PLCH2: variants seen among roughly 807,000 people sequenced by gnomAD.
PLCH2 encodes phospholipase C eta 2, also known as 1-phosphatidylinositol 4,5-bisphosphate phosphodiesterase eta-2.
Under a neutral mutation model 134.7 loss-of-function variants are expected in PLCH2, and 98 were observed. The ratio of observed to expected loss-of-function variants is 0.73; its 90% CI spans 0.62 to 0.86. The LOEUF (loss-of-function observed/expected upper bound fraction) is 0.86. PLCH2 is among the 40% of genes least tolerant of loss of function. The pLI, the probability that PLCH2 is intolerant of heterozygous loss-of-function variation, is 0.00. For synonymous variants in PLCH2, 974 were observed against 827.5 expected (o/e 1.18, Z -3.04); for missense variants, 1,994 against 1,986.6 (o/e 1.00, Z -0.07).
At chr1:2,486,262 T>A (rs1642279248) in intron 5 of PLCH2, among the ~76,000 whole-genome samples, 1 of 152,180 alleles carries the variant, frequency 6.6e-6, no homozygotes, top group Non-Finnish European at 1.5e-5. Flanking sequence ...CGGCAACTGG[T>A]GCCCTTTGCC....
chr1:2,496,363 C>T (rs1003932485), intron 13 of PLCH2, among the ~76,000 whole-genome samples: 5 of 152,240 alleles, frequency 3.3e-5, no homozygotes, highest in African/African-American at 4.8e-5. Context: ...TGGCAGGCCA[C>T]GTCATCCTCC....
At chr1:2,467,347 G>A, upstream of PLCH2, 1 of 366,870 alleles carries the variant, frequency 2.7e-6, no homozygotes, top group East Asian at 4.0e-5. Context: ...CTCCAGCAGA[G>A]GCTGCTGGGC....
At position 2,476,429 on chromosome 1, in the gene PLCH2, G is replaced by A. The variant is rs1282618391; in HGVS notation, c.-160G>A. On this transcript the variant is annotated 5_prime_UTR_variant, in exon 1 of 22. The change creates a new upstream start codon in the 5' untranslated region. Transcript: ENST00000378486. Reference sequence around the variant, plus strand: ...GCCAGCCGGGCCTGGGCACAGCCCTGTGGGGGCTTCGGAGGGCCCTGAGGA... The same window carrying A: ...GCCAGCCGGGCCTGGGCACAGCCCTATGGGGGCTTCGGAGGGCCCTGAGGA... The A allele has an allele frequency of 5.8e-6, 4 of 691,290 alleles. No homozygotes were observed. The highest frequency in any genetic ancestry group is 2.2e-5 in the South Asian group (1 of 46,414). 42.8% of individuals were successfully genotyped at this position (691,290 alleles called of 1,614,324 possible).
At chr1:2,423,121 C>G (rs1467059391), upstream of PLCH2, among the ~76,000 whole-genome samples, 2 of 152,116 alleles carry the variant, frequency 1.3e-5, no homozygotes, top group South Asian at 2.1e-4. Context: ...GCAACAGATC[C>G]TGCAATTTGC....
At chr1:2,449,166 G>A (rs916241403) in intron 2 of PLCH2, among the ~76,000 whole-genome samples, 1 of 146,204 alleles carries the variant, frequency 6.8e-6, no homozygotes, top group East Asian at 2.0e-4. Flanking sequence ...CCCAGAGGTT[G>A]GAGCTATTTC....
intron 2 of PLCH2, among the ~76,000 whole-genome samples, chr1:2,457,583 G>A (rs1017448354): frequency 1.3e-5 from 2 of 152,254 alleles, no homozygotes; most frequent in Admixed American, 6.5e-5. Context: ...TGGGGGAGCG[G>A]CTGAGCTGCT....
intron 1 of PLCH2, among the ~76,000 whole-genome samples, chr1:2,469,668 G>A (rs896010411): frequency 2.6e-5 from 4 of 152,182 alleles, no homozygotes; most frequent in Admixed American, 2.0e-4. Flanking sequence ...TTGGGGAAGG[G>A]GATGAGTAAT....
chr1:2,486,222 C>T (rs902035090), intron 5 of PLCH2, among the ~76,000 whole-genome samples: 2 of 152,232 alleles, frequency 1.3e-5, no homozygotes, highest in Non-Finnish European at 2.9e-5. Context: ...GTGGAACCCT[C>T]TGTGCACTCA....
upstream of PLCH2, chr1:2,425,953 C>T (rs567643844): frequency 2.6e-5 from 4 of 152,386 alleles, no homozygotes; most frequent in African/African-American, 2.4e-5. Flanking sequence ...GAGTCCCCGT[C>T]GCTCGAGAGC....
intron 2 of PLCH2, among the ~76,000 whole-genome samples, chr1:2,461,458 G>T (rs991257302): frequency 6.6e-6 from 1 of 152,190 alleles, no homozygotes; most frequent in Admixed American, 6.5e-5. Flanking sequence ...GTGGGACCTG[G>T]CCCCTGGGCA....
intron 2 of PLCH2, among the ~76,000 whole-genome samples, chr1:2,455,746 G>A (rs1300251924): frequency 6.6e-6 from 1 of 152,138 alleles, no homozygotes; most frequent in African/African-American, 2.4e-5. Context: ...CCTGCTGCAG[G>A]TGTGAGAGGG....
intron 20 of PLCH2, chr1:2,501,872 T>C: frequency 4.4e-6 from 2 of 455,686 alleles, no homozygotes; most frequent in Non-Finnish European, 7.7e-6. Context: ...GCCGGAAGGG[T>C]GGGGTGGGCC....
At chr1:2,435,488 G>C (rs550581031) in intron 2 of PLCH2, among the ~76,000 whole-genome samples, 1 of 152,094 alleles carries the variant, frequency 6.6e-6, no homozygotes, top group African/African-American at 2.4e-5. Context: ...CTGGAGGCTG[G>C]AGGCATGTGT....
chr1:2,502,607 C>A, intron 21 of PLCH2, 198 bp downstream of exon 21: 1 of 702,214 alleles, frequency 1.4e-6, no homozygotes, highest in South Asian at 1.6e-5. Flanking sequence ...GGCAGCCATT[C>A]GCCAGCAGCC....
At chr1:2,437,066 C>A (rs574820127) in intron 2 of PLCH2, among the ~76,000 whole-genome samples, 4 of 152,350 alleles carry the variant, frequency 2.6e-5, no homozygotes, top group Admixed American at 6.5e-5. Context: ...GGCCGCCAGG[C>A]CTCTCGCCTT....
At chr1:2,482,931 G>A (rs1642053526) in intron 4 of PLCH2, among the ~76,000 whole-genome samples, 1 of 152,196 alleles carries the variant, frequency 6.6e-6, no homozygotes, top group African/African-American at 2.4e-5. Context: ...CAGCGTGCAG[G>A]TGGCCCTTTG....
Position 2,484,493 on chromosome 1 carries a change from T to A in PLCH2, c.691T>A (p.Phe231Ile). The A allele has an allele frequency of 6.2e-7, 1 of 1,612,864 alleles. No individual in the cohort carries two copies. The stretch of plus-strand genomic sequence containing the variant: ...CCAAGGGACGCTGGGTTTTGAAGAG[T>A]TCTGTGCCTTCTACAAGATGATGTC... ...DHQGTLGFEE[F>I]CAFYKMMSTR... The change falls in exon 5 of 22, where the codon TTC becomes ATC. Residue 231 changes from phenylalanine to isoleucine, a missense_variant. Around this residue, in one of 2 missense-constraint regions of PLCH2, gnomAD observed 1,094 missense variants for 1,234.3 expected, o/e 0.89. Coordinates refer to ENST00000378486, the MANE Select transcript of PLCH2 (RefSeq NM_014638.4).
chr1:2,425,278 CAT>C (rs1052600206), upstream of PLCH2, among the ~76,000 whole-genome samples: 1 of 151,614 alleles, frequency 6.6e-6, no homozygotes, highest in Non-Finnish European at 1.5e-5. Context: ...TATACACACA[CAT>C]ATATACACAT....
intron 1 of PLCH2, among the ~76,000 whole-genome samples, chr1:2,427,695 C>T (rs770992711): frequency 5.3e-5 from 8 of 152,176 alleles, no homozygotes; most frequent in Admixed American, 1.3e-4. Context: ...CCTCCGGTAC[C>T]TCTGCTGGGA....
Sources: allele counts gnomAD v4.1 joint callset (sites outside exome capture counted in the v4.1 genomes callset), GRCh38; gene constraint gnomAD v4.1.1; regional missense constraint gnomAD v4.1.1; transcripts MANE v1.5; gene names NCBI Gene and HGNC (gene_info 2026-07-23, HGNC 2026-07-21).